The following LTB4R2 variants were observed in gnomAD, a reference collection of about 807,000 sequenced individuals.
LTB4R2 encodes the protein leukotriene B4 receptor 2.
LTB4R2 carries 6 observed loss-of-function variants against 5.3 expected under a neutral mutation model. The observed-to-expected ratio is 1.14, with a 90% confidence interval of 0.62 to 2.24. LTB4R2 has a LOEUF of 2.24. LTB4R2 is among the 30% of genes most tolerant of loss of function. The probability of loss-of-function intolerance (pLI) is 0.00; values close to 1 mark genes in which losing one functional copy is unlikely to be tolerated. For synonymous variants in LTB4R2, 310 were observed against 264.2 expected (o/e 1.17, Z -1.68); for missense variants, 560 against 521.5 (o/e 1.07, Z -0.72).
chr14:24,311,190 G>C lies in LTB4R2; in HGVS notation c.526G>C (p.Val176Leu). 6.2e-7 allele frequency: 1 copy of C among 1,608,074 alleles called. No individual in the cohort carries two copies. The highest frequency in any genetic ancestry group is 8.5e-7 in the Non-Finnish European group (1 of 1,177,934). The change falls in exon 2 of 2, where the codon GTC becomes CTC. Residue 176 changes from valine to leucine, a missense_variant. Transcript: ENST00000533293. Reference sequence around the variant, plus strand: ...ATGCCAGCTGTGCCACCCGTCGCCGGTCCACGCCGCCGCCCACCTGAGCCT... The same window carrying C: ...ATGCCAGCTGTGCCACCCGTCGCCGCTCCACGCCGCCGCCCACCTGAGCCT... Reference protein sequence around the residue: ...RVCQLCHPSPVHAAAHLSLET... With the variant: ...RVCQLCHPSPLHAAAHLSLET...
Position 24,311,094 on chromosome 14 carries a change from G to GC in LTB4R2, c.431dup (p.Val145GlyfsTer138). 1 of 1,563,324 alleles carries GC rather than the reference G, an allele frequency of 6.4e-7. No homozygotes were observed. The highest frequency in any genetic ancestry group is 8.6e-7 in the Non-Finnish European group (1 of 1,162,134). Reference sequence around the variant, plus strand: ...GGCCCTGGCCCGCCGCCTGCTGCTGGCGGTCTGGCTGGCCGCCCTGTTGCT... The same window carrying GC: ...GGCCCTGGCCCGCCGCCTGCTGCTGGCCGGTCTGGCTGGCCGCCCTGTTGCT... On this transcript the variant is annotated frameshift_variant, in exon 2 of 2. Coordinates refer to ENST00000533293, the MANE Select transcript of LTB4R2 (RefSeq NM_019839.5). LOFTEE classifies it low-confidence loss of function (END_TRUNC).
At chr14:24,310,513 G>T in intron 1 of LTB4R2, 142 bp from the exon 2 acceptor site, 1 of 841,528 alleles carries the variant, frequency 1.2e-6, no homozygotes. Context: ...CTGGGTCCTC[G>T]TGGAAGTCAG....
rs2041661966 is a variant in LTB4R2 at position 24,310,642 on chromosome 14, C to T, written c.-10-13C>T. The stretch of plus-strand genomic sequence containing the variant: ...CCTGAACGCCCTCTGTGGCGCCTTC[C>T]ACCCACCTGTAGGCCCAGAAGGATG... On this transcript the variant is annotated splice_polypyrimidine_tract_variant and intron_variant, in intron 1 of 1. Coordinates refer to ENST00000533293, the MANE Select transcript of LTB4R2 (RefSeq NM_019839.5). The T allele has an allele frequency of 6.2e-7, 1 of 1,613,380 alleles. No homozygotes were observed. The highest frequency in any genetic ancestry group is 1.1e-5 in the South Asian group (1 of 91,072).
At position 24,310,814 on chromosome 14, in the gene LTB4R2, TGCACGGGGGCGACCGCTGGCGGCCA is replaced by T. The variant is rs2041669899; in HGVS notation, c.151_175del (p.Ala51ArgfsTer24). On this transcript the variant is annotated frameshift_variant, in exon 2 of 2. Transcript: ENST00000533293. LOFTEE classifies it low-confidence loss of function (END_TRUNC). ...TGTGGAGCTTGGCGGGCTGGCGGCC[TGCACGGGGGCGACCGCTGGCGGCCA>T]CGCTTGTGCTGCACCTGGCGCTGGC... 1 of 1,595,566 alleles carries T rather than the reference TGCACGGGGGCGACCGCTGGCGGCCA, an allele frequency of 6.3e-7. No individual in the cohort carries two copies.
chr14:24,310,271 C>T lies in LTB4R2; in HGVS notation c.-11+16C>T. The stretch of plus-strand genomic sequence containing the variant: ...TCCCAGCTTGGTAAGTAGATCTGTG[C>T]ACGTCCCTTTACACCCCACCATCCA... On this transcript the variant is annotated intron_variant, in intron 1 of 1. Coordinates refer to ENST00000533293, the MANE Select transcript of LTB4R2 (RefSeq NM_019839.5). 2 of 559,188 alleles carry T rather than the reference C, an allele frequency of 3.6e-6. No homozygotes were observed. The highest frequency in any genetic ancestry group is 3.0e-5 in the East Asian group (1 of 32,916). 34.6% of individuals were successfully genotyped at this position (559,188 alleles called of 1,614,324 possible).
rs757923141 is a variant in LTB4R2, at chr14:24,311,728, A to T, written c.1064A>T (p.Glu355Val). ...GGTGGGATGGAGAAGGACGGTCCGG[A>T]ATGGGACCTTTGACAGCAGACCCTA... ...PGGGMEKDGP[E>V]WDL The change falls in exon 2 of 2, where the codon GAA becomes GTA. Residue 355 changes from glutamate (E) to valine (V), a missense_variant. By Grantham distance (121) the Glu-to-Val change is moderately radical. Transcript: ENST00000533293. 6.3e-6 allele frequency: 10 copies of T among 1,584,934 alleles called. No individual in the cohort carries two copies. Among genetic ancestry groups the T allele is most frequent in the Admixed American group, 3.6e-5 (2 of 55,928 alleles).
In LTB4R2 at chr14:24,311,120, C is replaced by T; in HGVS notation, c.456C>T (p.Leu152=). 6.3e-7 allele frequency: 1 copy of T among 1,578,900 alleles called. No individual in the cohort carries two copies. The highest frequency in any genetic ancestry group is 8.6e-7 in the Non-Finnish European group (1 of 1,168,716). Residue 152 remains leucine, a synonymous_variant, in exon 2 of 2, where the codon CTC becomes CTT. Transcript: ENST00000533293. ...LLAVWLAALL[L]AVPAAVYRHL... is the part of the protein sequence containing the mutation. ...CGGTCTGGCTGGCCGCCCTGTTGCTCGCCGTCCCGGCCGCCGTCTACCGCC... is the reference window on the plus strand; with the variant it reads ...CGGTCTGGCTGGCCGCCCTGTTGCTTGCCGTCCCGGCCGCCGTCTACCGCC...
Position 24,310,150 on chromosome 14 carries a change from TA to T in LTB4R2, c.-115del. 1 of 234,688 alleles carries T rather than the reference TA, an allele frequency of 4.3e-6. No homozygotes were observed. Among genetic ancestry groups the T allele is most frequent in the South Asian group, 5.8e-5 (1 of 17,150 alleles). The allele number at this position is 234,688 out of a possible 1,614,324, so 14.5% of individuals were successfully genotyped here. A position where few individuals can be genotyped will look rare whatever the true frequency, so the allele number is the denominator to read the frequency against. ...ATCTTGTCCCTCCCCATTCTTGTCT[TA>T]CCCTCTGCAAATGTGATAGGCACAG... On this transcript the variant is annotated 5_prime_UTR_variant, in exon 1 of 2. Coordinates refer to ENST00000533293, the MANE Select transcript of LTB4R2 (RefSeq NM_019839.5).
At position 24,311,404 on chromosome 14, in the gene LTB4R2, A is replaced by T. The variant is rs1171239853; in HGVS notation, c.740A>T (p.Gln247Leu). ...CCCTACCACGCAGTCAACCTTCTGC[A>T]GGCGGTCGCAGCGCTGGCTCCACCG... Reference protein sequence around the residue: ...WAPYHAVNLLQAVAALAPPEG... With the variant: ...WAPYHAVNLLLAVAALAPPEG... Residue 247 changes from glutamine to leucine, a missense_variant, in exon 2 of 2, where the codon CAG becomes CTG. By Grantham distance (113) the Gln-to-Leu change is moderately radical. Coordinates refer to ENST00000533293, the MANE Select transcript of LTB4R2 (RefSeq NM_019839.5). 6.2e-7 allele frequency: 1 copy of T among 1,601,804 alleles called. No homozygotes were observed. Among genetic ancestry groups the T allele is most frequent in the Non-Finnish European group, 8.5e-7 (1 of 1,179,680 alleles).
At position 24,311,456 on chromosome 14, in the gene LTB4R2, A is replaced by AGCCGGCCAGGCGGC. The variant is rs1286703569; in HGVS notation, c.795_808dup (p.Arg270ProfsTer69). ...AAGGGGCCTTGGCGAAGCTGGGCGG[A>AGCCGGCCAGGCGGC]GCCGGCCAGGCGGCGCGAGCGGGAA... On this transcript the variant is annotated frameshift_variant, in exon 2 of 2. Transcript: ENST00000533293. LOFTEE classifies it high-confidence loss of function. 1 of 1,601,134 alleles carries AGCCGGCCAGGCGGC rather than the reference A, an allele frequency of 6.2e-7. No individual in the cohort carries two copies. Among genetic ancestry groups the AGCCGGCCAGGCGGC allele is most frequent in the East Asian group, 2.2e-5 (1 of 44,878 alleles).
In LTB4R2 at chr14:24,310,669, C is replaced by T. The variant is rs575238153; in HGVS notation, c.5C>T (p.Ser2Leu). The stretch of plus-strand genomic sequence containing the variant: ...CCCACCTGTAGGCCCAGAAGGATGT[C>T]GGTCTGCTACCGTCCCCCAGGGAAC... M[S>L]VCYRPPGNET... Residue 2 changes from serine to leucine, a missense_variant, in exon 2 of 2, where the codon TCG (serine) becomes TTG (leucine). Transcript: ENST00000533293. 86 of 1,614,090 alleles carry T rather than the reference C, an allele frequency of 5.3e-5. No homozygotes were observed. In the South Asian group the frequency reaches 8.2e-4, roughly 15 times the overall value.
At position 24,310,984 on chromosome 14, in the gene LTB4R2, C is replaced by T; in HGVS notation, c.320C>T (p.Ala107Val). ...TACGTGTGCGCGCTCAGCATGTACG[C>T]CAGCGTGCTGCTCACCGGCCTGCTC... is the stretch of plus-strand genomic sequence containing the variant. ...VYYVCALSMYASVLLTGLLSL... is the reference protein window; with the variant it reads ...VYYVCALSMYVSVLLTGLLSL... Residue 107 changes from alanine (A) to valine (V), a missense_variant, in exon 2 of 2, where the codon GCC (alanine) becomes GTC (valine). By Grantham distance (64) the Ala-to-Val change is moderately conservative (BLOSUM62 0). Transcript: ENST00000533293. 1 of 1,590,358 alleles carries T rather than the reference C, an allele frequency of 6.3e-7. No individual in the cohort carries two copies. Among genetic ancestry groups the T allele is most frequent in the Non-Finnish European group, 8.5e-7 (1 of 1,176,544 alleles).
chr14:24,311,314 G>C lies in LTB4R2; in HGVS notation c.650G>C (p.Arg217Pro). 1 of 1,596,054 alleles carries C rather than the reference G, an allele frequency of 6.3e-7. No individual in the cohort carries two copies. The highest frequency in any genetic ancestry group is 8.5e-7 in the Non-Finnish European group (1 of 1,172,006). Residue 217 changes from arginine (R) to proline (P), a missense_variant, in exon 2 of 2, where the codon CGG (arginine) becomes CCG (proline). Arg to Pro is a moderately radical substitution (Grantham distance 103). Coordinates refer to ENST00000533293, the MANE Select transcript of LTB4R2 (RefSeq NM_019839.5). ...RLRGARWGSG[R>P]HGARVGRLVS... ...CGGGGCGCCCGCTGGGGCTCCGGGC[G>C]GCACGGGGCGCGGGTGGGCCGGCTG...
In LTB4R2 at chr14:24,312,003, A is replaced by G. The variant is rs1363557519; in HGVS notation, c.*262A>G. 6.3e-6 allele frequency: 3 copies of G among 476,762 alleles called. No homozygotes were observed. The highest frequency in any genetic ancestry group is 4.5e-5 in the South Asian group (1 of 21,990). The allele number at this position is 476,762 out of a possible 1,614,324, so 29.5% of individuals were successfully genotyped here. A position where few individuals can be genotyped will look rare whatever the true frequency, so the allele number is the denominator to read the frequency against. On this transcript the variant is annotated 3_prime_UTR_variant, in exon 2 of 2. Coordinates refer to ENST00000533293, the MANE Select transcript of LTB4R2 (RefSeq NM_019839.5). ...TGCCAGCATTGCTTACTTGTTGCCA[A>G]TAGCTGTTATTGTGAAATACACTGG...
At chr14:24,310,377 G>A in intron 1 of LTB4R2, 122 bp downstream of exon 1, 1 of 613,634 alleles carries the variant, frequency 1.6e-6, no homozygotes, top group Non-Finnish European at 2.9e-6. Context: ...GATAGTGACA[G>A]CCTGGGGTGA....
chr14:24,311,708 G>C lies in LTB4R2; in HGVS notation c.1044G>C (p.Gly348=). ...QGRGNGDPGG[G]MEKDGPEWDL ...GCGGCAATGGAGACCCGGGGGGTGGGATGGAGAAGGACGGTCCGGAATGGG... is the reference window on the plus strand; with the variant it reads ...GCGGCAATGGAGACCCGGGGGGTGGCATGGAGAAGGACGGTCCGGAATGGG... Residue 348 remains glycine (G), a synonymous_variant, in exon 2 of 2, where the codon GGG becomes GGC. Transcript: ENST00000533293. 1 of 1,604,612 alleles carries C rather than the reference G, an allele frequency of 6.2e-7. No individual in the cohort carries two copies. The highest frequency in any genetic ancestry group is 8.5e-7 in the Non-Finnish European group (1 of 1,174,070).
chr14:24,310,290 C>G, intron 1 of LTB4R2, 35 bp downstream of exon 1: 1 of 580,964 alleles, frequency 1.7e-6, no homozygotes, highest in African/African-American at 1.9e-5. Flanking sequence ...TTACACCCCA[C>G]CATCCAGTTT....
chr14:24,311,812 T>C lies in LTB4R2; in HGVS notation c.*71T>C. 7.4e-7 allele frequency: 1 copy of C among 1,349,260 alleles called. No individual in the cohort carries two copies. The highest frequency in any genetic ancestry group is 1.0e-6 in the Non-Finnish European group (1 of 996,270). The allele number at this position is 1,349,260 out of a possible 1,614,324, so 83.6% of individuals were successfully genotyped here. The stretch of plus-strand genomic sequence containing the variant: ...CCCACCCACCCTCCAGAGGTCAGTG[T>C]TCTGGGACATTTGGGGACCCTTCTT... On this transcript the variant is annotated 3_prime_UTR_variant, in exon 2 of 2. Transcript: ENST00000533293.
rs1566422880 is a variant in LTB4R2 at position 24,311,062 on chromosome 14, G to A, written c.398G>A (p.Arg133His). Reference protein sequence around the residue: ...VTRPFLAPRLRSPALARRLLL... With the variant: ...VTRPFLAPRLHSPALARRLLL... ...CGCCCCTTCCTGGCGCCTCGGCTGCGCAGCCCGGCCCTGGCCCGCCGCCTG... is the reference window on the plus strand; with the variant it reads ...CGCCCCTTCCTGGCGCCTCGGCTGCACAGCCCGGCCCTGGCCCGCCGCCTG... The change falls in exon 2 of 2, where the codon CGC becomes CAC. Residue 133 changes from arginine to histidine, a missense_variant. Transcript: ENST00000533293. 4.5e-6 allele frequency: 7 copies of A among 1,566,056 alleles called. No individual in the cohort carries two copies. Among genetic ancestry groups the A allele is most frequent in the East Asian group, 4.8e-5 (2 of 41,820 alleles).
Sources: gnomAD v4.1 joint callset for allele counts on GRCh38, gnomAD v4.1.1 for gene constraint, MANE v1.5 for transcripts, NCBI Gene and HGNC (gene_info 2026-07-23, HGNC 2026-07-21) for gene names.